DUSP12: variants seen among roughly 807,000 people sequenced by gnomAD.
The protein encoded by DUSP12 is dual specificity phosphatase 12.
In DUSP12, 25 loss-of-function variants were observed where a neutral mutation model predicts 38.9. That is an observed-to-expected ratio of 0.64 (90% CI 0.47 to 0.90). The LOEUF (loss-of-function observed/expected upper bound fraction) is 0.90, where lower values mean the gene tolerates loss of function less well. Ranked by LOEUF, DUSP12 falls within the 40% of genes least tolerant of loss-of-function variation. The pLI, the probability that DUSP12 is intolerant of heterozygous loss-of-function variation, is 0.00. For missense variants in DUSP12, 403 were observed against 427.0 expected, an observed-to-expected ratio of 0.94 and a Z score of 0.50; for synonymous variants, 153 against 153.9, an observed-to-expected ratio of 0.99 and a Z score of 0.05.
Position 161,753,105 on chromosome 1 carries a change from GGATCA to G in DUSP12, c.706_710del (p.Asp236ProfsTer2). On this transcript the variant is annotated frameshift_variant, in exon 5 of 6. Transcript: ENST00000367943. LOFTEE classifies it high-confidence loss of function. The stretch of plus-strand genomic sequence containing the variant: ...CATTATTTCGAAGTTCTAGTATTCT[GGATCA>G]CCGTGAAGGAAGTGGACCTATAGCC... 6.2e-7 allele frequency: 1 copy of G among 1,610,290 alleles called. No individual in the cohort carries two copies. The highest frequency in any genetic ancestry group is 8.5e-7 in the Non-Finnish European group (1 of 1,178,538).
rs1393528491 is a variant in DUSP12, at chr1:161,750,087, C to A, written c.286C>A (p.Arg96=). 3 of 1,613,818 alleles carry A rather than the reference C, an allele frequency of 1.9e-6. No homozygotes were observed. In the South Asian group the frequency reaches 3.3e-5, roughly 18 times the overall value. Residue 96 remains arginine (R), a synonymous_variant, in exon 1 of 6, where the codon CGG becomes AGG. Coordinates refer to ENST00000367943, the MANE Select transcript of DUSP12 (RefSeq NM_007240.3). ...GACGGACCTACTCAGCCATCTGGAC[C>A]GGTGCGTGGCCTTCATCGGTCAGGC... ...PETDLLSHLD[R]CVAFIGQARA...
chr1:161,752,119 A>C (rs1374889773), intron 3 of DUSP12, 135 bp downstream of exon 3: 1 of 755,668 alleles, frequency 1.3e-6, no homozygotes, highest in East Asian at 2.6e-5. Flanking sequence ...GAAATAACCT[A>C]TTCAAAATCA....
At position 161,753,154 on chromosome 1, in the gene DUSP12, A is replaced by G. The variant is rs765120844; in HGVS notation, c.754A>G (p.Thr252Ala). 6.2e-6 allele frequency: 10 copies of G among 1,614,006 alleles called. No individual in the cohort carries two copies. The East Asian group carries it at 2.0e-4, about 32-fold the overall frequency. The change falls in exon 5 of 6, where the codon ACA becomes GCA. Residue 252 changes from threonine to alanine, a missense_variant. Thr to Ala is a moderately conservative substitution (Grantham distance 58). Transcript: ENST00000367943. ...GPIAFAHKRM[T>A]PSSMLTTGRQ... ...TATAGCCTTTGCCCACAAGAGAATG[A>G]CACCATCTTCCATGCTTACCACAGG... is the stretch of plus-strand genomic sequence containing the variant.
chr1:161,752,755 C>T (rs533695188), intron 4 of DUSP12, among the ~76,000 whole-genome samples: 17 of 152,134 alleles, frequency 1.1e-4, no homozygotes, highest in South Asian at 4.2e-4. Flanking sequence ...TTTGGGAGGC[C>T]GAGGCAGGCA....
In DUSP12 at chr1:161,753,089, G is replaced by A. The variant is rs756537813; in HGVS notation, c.689G>A (p.Arg230Gln). The A allele has an allele frequency of 2.5e-6, 4 of 1,600,146 alleles. No homozygotes were observed. The highest frequency in any genetic ancestry group is 1.7e-4 in the Middle Eastern group (1 of 6,010). ...GGGGGTTGCAGGCGATCATTATTTCGAAGTTCTAGTATTCTGGATCACCGT... is the reference window on the plus strand; with the variant it reads ...GGGGGTTGCAGGCGATCATTATTTCAAAGTTCTAGTATTCTGGATCACCGT... ...KCRKCRRSLF[R>Q]SSSILDHREG... The change falls in exon 5 of 6, where the codon CGA (arginine) becomes CAA (glutamine). Residue 230 changes from arginine (R) to glutamine (Q), a missense_variant. Physicochemically the swap from Arg to Gln is conservative, Grantham distance 43 (BLOSUM62 1). Transcript: ENST00000367943.
intron 5 of DUSP12, among the ~76,000 whole-genome samples, chr1:161,753,830 C>G (rs1019128100): frequency 2.1e-5 from 3 of 141,966 alleles, no homozygotes; most frequent in Non-Finnish European, 4.9e-5. Flanking sequence ...TTCTTTTTCT[C>G]TGTTGGCTTC....
chr1:161,756,064 C>G (rs1015999282), intron 5 of DUSP12, among the ~76,000 whole-genome samples: 3 of 152,258 alleles, frequency 2.0e-5, no homozygotes, highest in African/African-American at 7.2e-5. Flanking sequence ...CCATGTTGAC[C>G]AGGCTGGTCT....
chr1:161,753,003 A>G (rs1684050803), intron 4 of DUSP12, 72 bp from the exon 5 acceptor site: 1 of 1,305,576 alleles, frequency 7.7e-7, no homozygotes, highest in African/African-American at 1.7e-5. Flanking sequence ...AAAAAAAGAA[A>G]TACCGCACAT....
intron 5 of DUSP12, among the ~76,000 whole-genome samples, chr1:161,753,642 T>C (rs570468661): frequency 6.6e-6 from 1 of 152,132 alleles, no homozygotes; most frequent in East Asian, 1.9e-4. Context: ...GGAGGATCAC[T>C]TGAGCCCAGG....
In DUSP12 at chr1:161,757,107, T is replaced by G; in HGVS notation, c.*160T>G. 1.6e-6 allele frequency: 1 copy of G among 617,012 alleles called. No individual in the cohort carries two copies. The highest frequency in any genetic ancestry group is 2.7e-6 in the Non-Finnish European group (1 of 372,946). 38.2% of individuals were successfully genotyped at this position (617,012 alleles called of 1,614,324 possible). A position where few individuals can be genotyped will look rare whatever the true frequency, so the allele number is the denominator to read the frequency against. On this transcript the variant is annotated 3_prime_UTR_variant, in exon 6 of 6. Transcript: ENST00000367943. Reference sequence around the variant, plus strand: ...CTGGAAACTATGCTTTACATGGCAATCAAAGCCTTTTGATCATGTACATTT... The same window carrying G: ...CTGGAAACTATGCTTTACATGGCAAGCAAAGCCTTTTGATCATGTACATTT...
chr1:161,754,190 C>A (rs1284308110), intron 5 of DUSP12, among the ~76,000 whole-genome samples: 1 of 152,052 alleles, frequency 6.6e-6, no homozygotes, highest in Non-Finnish European at 1.5e-5. Context: ...CTGTATTATA[C>A]CATTTGAAGA....
rs376939090 is a variant in DUSP12 at position 161,749,813 on chromosome 1, T to C, written c.12T>C (p.Ala4=). 6 of 1,577,864 alleles carry C rather than the reference T, an allele frequency of 3.8e-6. No individual in the cohort carries two copies. In the African/African-American group the frequency reaches 6.8e-5, roughly 18 times the overall value. ...CTCTGGGCGCGGCCATGTTGGAGGC[T>C]CCGGGCCCGAGTGATGGCTGCGAGC... MLE[A]PGPSDGCELS... is the part of the protein sequence containing the mutation. The change falls in exon 1 of 6, where the codon GCT becomes GCC. Residue 4 remains alanine, a synonymous_variant. Transcript: ENST00000367943.
chr1:161,754,199 G>A (rs1340226531), intron 5 of DUSP12, among the ~76,000 whole-genome samples: 1 of 152,138 alleles, frequency 6.6e-6, no homozygotes, highest in African/African-American at 2.4e-5. Flanking sequence ...ACCATTTGAA[G>A]AATGCCATAG....
At chr1:161,753,655 T>G (rs1454154025) in intron 5 of DUSP12, among the ~76,000 whole-genome samples, 2 of 151,938 alleles carry the variant, frequency 1.3e-5, no homozygotes, top group African/African-American at 4.8e-5. Flanking sequence ...AGCCCAGGGT[T>G]TCGAGACCAG....
At chr1:161,754,346 C>A (rs1684077229) in intron 5 of DUSP12, among the ~76,000 whole-genome samples, 1 of 151,994 alleles carries the variant, frequency 6.6e-6, no homozygotes, top group South Asian at 2.1e-4. Context: ...TTAAAAAAAA[C>A]AGCCTTATTA....
At chr1:161,754,980 G>A (rs1233946774) in intron 5 of DUSP12, among the ~76,000 whole-genome samples, 1 of 152,186 alleles carries the variant, frequency 6.6e-6, no homozygotes, top group East Asian at 1.9e-4. Context: ...ACAGGGATGC[G>A]CCACCACGCC....
chr1:161,752,130 C>T, intron 3 of DUSP12, 146 bp downstream of exon 3: 1 of 741,426 alleles, frequency 1.3e-6, no homozygotes, highest in Non-Finnish European at 2.2e-6. Flanking sequence ...TTCAAAATCA[C>T]ATGGTTTATA....
At chr1:161,750,196 C>A (rs550509723) in intron 1 of DUSP12, 51 bp downstream of exon 1, 2 of 1,567,732 alleles carry the variant, frequency 1.3e-6, no homozygotes, top group African/African-American at 2.7e-5. Flanking sequence ...TCCAGCCGGC[C>A]CCCGTCGCCC....
rs1684123888 is a variant in DUSP12 at position 161,757,205 on chromosome 1, G to A, written c.*258G>A. The A allele has an allele frequency of 3.5e-6, 1 of 282,262 alleles. No individual in the cohort carries two copies. The highest frequency in any genetic ancestry group is 2.1e-5 in the African/African-American group (1 of 46,662). The allele number at this position is 282,262 out of a possible 1,614,324, so 17.5% of individuals were successfully genotyped here. On this transcript the variant is annotated 3_prime_UTR_variant, in exon 6 of 6. Transcript: ENST00000367943. ...ATATTTTTAAAAGTTTTGATTGTTG[G>A]AATGTTATATGATCTTAAGGTCTGT...
Sources: gnomAD v4.1 joint callset for allele counts (sites outside exome capture counted in the v4.1 genomes callset) on GRCh38, gnomAD v4.1.1 for gene constraint, MANE v1.5 for transcripts, NCBI Gene and HGNC (gene_info 2026-07-23, HGNC 2026-07-21) for gene names.